Variants in RGMA observed in about 807,000 individuals in gnomAD.
The protein encoded by RGMA is repulsive guidance molecule A.
RGMA carries 10 observed loss-of-function variants against 23.2 expected under a neutral mutation model. The observed-to-expected ratio is 0.43, with a 90% CI of 0.27 to 0.73. The LOEUF (loss-of-function observed/expected upper bound fraction) is 0.73, where lower values mean the gene tolerates loss of function less well. Among genes scored for constraint, RGMA ranks in the 30% least tolerant of loss-of-function variants. The pLI, the probability that RGMA is intolerant of heterozygous loss-of-function variation, is 0.20. For synonymous variants in RGMA, 308 were observed against 279.3 expected (o/e 1.10, Z -1.03); for missense variants, 547 against 630.5 (o/e 0.87, Z 1.42).
chr15:93,052,470 C>T lies in RGMA; in HGVS notation c.168G>A (p.Glu56=). ...GGCTGCCCGACGTGGCGCTCCAGAA[C>T]TCAGAGTTGCACTTGAGGATCTTGC... ...SPCKILKCNS[E]FWSATSGSHA... is the part of the protein sequence containing the mutation. The change falls in exon 3 of 4, where the codon GAG becomes GAA. Residue 56 remains glutamate (E), a synonymous_variant. Coordinates refer to ENST00000329082, the MANE Select transcript of RGMA (RefSeq NM_020211.3). 1 of 1,586,550 alleles carries T rather than the reference C, an allele frequency of 6.3e-7. No homozygotes were observed. The highest frequency in any genetic ancestry group is 8.5e-7 in the Non-Finnish European group (1 of 1,170,616).
At chr15:93,072,812 G>GAGGTCCGGAGA (rs1567193477) in intron 2 of RGMA, 104 bp downstream of exon 2, 3 of 1,221,542 alleles carry the variant, frequency 2.5e-6, no homozygotes, top group East Asian at 2.7e-5. Flanking sequence ...GGGTCCGGAG[G>GAGGTCCGGAGA]AGGTCCGGAG....
At position 93,044,879 on chromosome 15, in the gene RGMA, CTGGCGTTCTGCGGGGCCA is replaced by C; in HGVS notation, c.*101_*118del. ...CTGAGCCCTTGGCAGCAGGCGGTCCCTGGCGTTCTGCGGGGCCATGGTGGACACGCCAGGAGATCTGCA... is the reference window on the plus strand; with the variant it reads ...CTGAGCCCTTGGCAGCAGGCGGTCCCTGGTGGACACGCCAGGAGATCTGCA... On this transcript the variant is annotated 3_prime_UTR_variant, in exon 4 of 4. Transcript: ENST00000329082. 1.2e-6 allele frequency: 1 copy of C among 843,004 alleles called. No homozygotes were observed. The highest frequency in any genetic ancestry group is 1.8e-6 in the Non-Finnish European group (1 of 546,348). The allele number at this position is 843,004 out of a possible 1,614,324, so 52.2% of individuals were successfully genotyped here. A position where few individuals can be genotyped will look rare whatever the true frequency, so the allele number is the denominator to read the frequency against.
rs777456829 is a variant in RGMA at position 93,045,589 on chromosome 15, G to A, written c.762C>T (p.His254=). 20 of 1,613,272 alleles carry A rather than the reference G, an allele frequency of 1.2e-5. No homozygotes were observed. The highest frequency in any genetic ancestry group is 4.5e-5 in the East Asian group (2 of 44,868). Reference sequence around the variant, plus strand: ...CAGTGATCTTCAGGCTGTTGGCCCCGTGCTTGTCCCCACCGTTCTTAGAGC... The same window carrying A: ...CAGTGATCTTCAGGCTGTTGGCCCCATGCTTGTCCCCACCGTTCTTAGAGC... ...VDGSKNGGDK[H]GANSLKITEK... Residue 254 remains histidine, a synonymous_variant, in exon 4 of 4, where the codon CAC becomes CAT. Coordinates refer to ENST00000329082, the MANE Select transcript of RGMA (RefSeq NM_020211.3). The surrounding 1 kb of genome is among the most constrained non-coding windows in gnomAD (Gnocchi z 6.9).
intron 2 of RGMA, 52 bp downstream of exon 2, chr15:93,072,864 T>G (rs955068764): frequency 2.0e-5 from 31 of 1,558,574 alleles, no homozygotes; most frequent in Non-Finnish European, 2.7e-5. Flanking sequence ...GGCCCAGCAT[T>G]GAGGGGCGGC....
At position 93,072,707 on chromosome 15, in the gene RGMA, C is replaced by T. The variant is rs187707900; in HGVS notation, c.130+209G>A. Among the ~76,000 whole-genome samples, 1,173 of 152,306 alleles carry T rather than the reference C, an allele frequency of 7.7e-3. 8 individuals carry two copies. Among genetic ancestry groups the T allele is most frequent in the Non-Finnish European group, 0.012 (828 of 68,022 alleles). On this transcript the variant is annotated intron_variant, in intron 2 of 3. Transcript: ENST00000329082. Reference sequence around the variant, plus strand: ...CCCACACGGCTCCATCTCACGGCAACTCGGGCAGGGTGCCCCTCTCCGGGT... The same window carrying T: ...CCCACACGGCTCCATCTCACGGCAATTCGGGCAGGGTGCCCCTCTCCGGGT...
chr15:93,065,394 G>A (rs1192666005), intron 2 of RGMA, among the ~76,000 whole-genome samples: 2 of 145,224 alleles, frequency 1.4e-5, no homozygotes, highest in African/African-American at 2.7e-5. Context: ...CCCTTGATAA[G>A]GGAAGAAAAA....
At chr15:93,060,606 G>A (rs1293981592) in intron 2 of RGMA, among the ~76,000 whole-genome samples, 1 of 152,214 alleles carries the variant, frequency 6.6e-6, no homozygotes, top group Non-Finnish European at 1.5e-5. Flanking sequence ...ATTTGCTCCT[G>A]ACTCGAGCAA....
intron 2 of RGMA, among the ~76,000 whole-genome samples, chr15:93,060,163 C>A (rs2055079226): frequency 6.6e-6 from 1 of 152,238 alleles, no homozygotes; most frequent in Non-Finnish European, 1.5e-5. Context: ...TCCTGAGCTT[C>A]CATTTCTACT....
At chr15:93,065,601 T>TG in intron 2 of RGMA, 4 of 795,474 alleles carry the variant, frequency 5.0e-6, no homozygotes, top group South Asian at 2.6e-5. Flanking sequence ...AGGATGGTGG[T>TG]GGCGGGGTCC....
chr15:93,052,945 A>G (rs187720132), intron 2 of RGMA, among the ~76,000 whole-genome samples: 3 of 152,230 alleles, frequency 2.0e-5, no homozygotes, highest in African/African-American at 7.2e-5. Context: ...GCATTGTATG[A>G]CCTTATACAA....
intron 2 of RGMA, 136 bp from the exon 3 acceptor site, chr15:93,052,643 A>C: frequency 9.8e-7 from 1 of 1,020,278 alleles, no homozygotes; most frequent in Non-Finnish European, 1.4e-6. Context: ...ACAGATGGTG[A>C]AAAATTTCCT....
chr15:93,065,279 G>A (rs578079920), intron 2 of RGMA, among the ~76,000 whole-genome samples: 2 of 151,814 alleles, frequency 1.3e-5, no homozygotes, highest in South Asian at 4.2e-4. Flanking sequence ...AACTTGGGGG[G>A]CAAAGAAAAA....
intron 1 of RGMA, chr15:93,088,372 C>T: frequency 1.0e-6 from 1 of 985,516 alleles, no homozygotes; most frequent in African/African-American, 1.7e-5. Flanking sequence ...CAATGGGCAT[C>T]CTCGGCCCTC....
chr15:93,073,223 T>C (rs1044419946), intron 1 of RGMA, 192 bp from the exon 2 acceptor site: 22 of 1,089,840 alleles, frequency 2.0e-5, no homozygotes, highest in African/African-American at 8.5e-5. Context: ...TCTCCGCCAA[T>C]GTCGACGCGG....
chr15:93,085,834 C>T (rs1895626720), intron 1 of RGMA, among the ~76,000 whole-genome samples: 1 of 152,188 alleles, frequency 6.6e-6, no homozygotes, highest in Non-Finnish European at 1.5e-5. Context: ...ACTCACAGGA[C>T]GGACCTGGCT....
At chr15:93,081,805 T>C (rs1181898372) in intron 1 of RGMA, among the ~76,000 whole-genome samples, 2 of 152,202 alleles carry the variant, frequency 1.3e-5, no homozygotes, top group Non-Finnish European at 2.9e-5. Context: ...AAAGCTGAAA[T>C]AGAGACAATC....
chr15:93,059,960 C>T (rs1277800111), intron 2 of RGMA, among the ~76,000 whole-genome samples: 2 of 152,166 alleles, frequency 1.3e-5, no homozygotes, highest in East Asian at 1.9e-4. Flanking sequence ...CTCCTGCAAG[C>T]GGAAGAGGAA....
Position 93,040,265 on chromosome 15 carries a change from C to T in RGMA, c.*4733G>A, listed in dbSNP as rs1185676524. The T allele has an allele frequency of 6.6e-6, 1 of 152,248 alleles. No individual in the cohort carries two copies. Among genetic ancestry groups the T allele is most frequent in the Admixed American group, 6.5e-5 (1 of 15,280 alleles). 9.4% of individuals were successfully genotyped at this position (152,248 alleles called of 1,614,324 possible). On this transcript the variant is annotated 3_prime_UTR_variant, in exon 4 of 4. Transcript: ENST00000329082. ...ACACATCATTCCTACACTCAAAGCC[C>T]GTGAACGGCTTCCTCTGGCAACTGG...
At chr15:93,071,993 A>G (rs938594206) in intron 2 of RGMA, among the ~76,000 whole-genome samples, 6 of 152,252 alleles carry the variant, frequency 3.9e-5, no homozygotes, top group African/African-American at 1.4e-4. Flanking sequence ...AAATGGGTAT[A>G]AAGGGCTTAA....
Sources: allele counts gnomAD v4.1 joint callset (sites outside exome capture counted in the v4.1 genomes callset), GRCh38; gene constraint gnomAD v4.1.1; non-coding constraint Gnocchi (gnomAD v3.1); transcripts MANE v1.5; gene names NCBI Gene and HGNC (gene_info 2026-07-23, HGNC 2026-07-21).